The following AGO2 variants were observed in gnomAD, a reference collection of about 807,000 sequenced individuals.
The protein encoded by AGO2 is argonaute RISC catalytic component 2, also known as protein argonaute-2.
Under a neutral mutation model 102.3 loss-of-function variants are expected in AGO2, and 5 were observed. The ratio of observed to expected loss-of-function variants is 0.05; its 90% CI spans 0.03 to 0.10. The LOEUF is 0.10. AGO2 is among the 10% of genes least tolerant of loss of function. The probability of loss-of-function intolerance (pLI) is 1.00; values close to 1 mark genes in which losing one functional copy is unlikely to be tolerated. For missense variants in AGO2, 541 were observed against 1,183.7 expected, an observed-to-expected ratio of 0.46 and a Z score of 7.97; for synonymous variants, 449 against 473.1, an observed-to-expected ratio of 0.95 and a Z score of 0.66.
At chr8:140,576,155 A>T (rs2073460160) in intron 2 of AGO2, among the ~76,000 whole-genome samples, 1 of 152,216 alleles carries the variant, frequency 6.6e-6, no homozygotes, top group Admixed American at 6.5e-5. Context: ...TCTACTAAAA[A>T]TACAAAAAAT....
intron 1 of AGO2, among the ~76,000 whole-genome samples, chr8:140,607,511 T>TAC (rs2074019047): frequency 1.1e-4 from 1 of 8,796 alleles, no homozygotes; most frequent in African/African-American, 3.2e-4. Flanking sequence ...TATATATATA[T>TAC]ATATACACAC....
chr8:140,541,424 GGACTCT>G, intron 14 of AGO2, 66 bp from the exon 15 acceptor site: 1 of 1,421,058 alleles, frequency 7.0e-7, no homozygotes, highest in Non-Finnish European at 9.3e-7. Context: ...GCATGTGCCT[GGACTCT>G]CGGGAAGATG....
chr8:140,572,713 A>C, intron 3 of AGO2, 99 bp downstream of exon 3: 1 of 1,485,776 alleles, frequency 6.7e-7, no homozygotes, highest in South Asian at 1.4e-5. Context: ...CCTCAGTGAA[A>C]TAGTTTCGTG....
At chr8:140,582,845 T>G (rs774433836) in intron 2 of AGO2, among the ~76,000 whole-genome samples, 2 of 152,240 alleles carry the variant, frequency 1.3e-5, no homozygotes, top group African/African-American at 2.4e-5. Flanking sequence ...GAAGGTGAGA[T>G]GACAAACTTT....
intron 14 of AGO2, among the ~76,000 whole-genome samples, chr8:140,543,204 C>A (rs2072832852): frequency 6.6e-6 from 1 of 151,478 alleles, no homozygotes; most frequent in Admixed American, 6.6e-5. Flanking sequence ...ACAACAACAA[C>A]AACAAAAAAA....
chr8:140,547,645 C>T lies in AGO2; in HGVS notation c.1589-18G>A, dbSNP rs1198752664. On this transcript the variant is annotated intron_variant, in intron 12 of 18. Coordinates refer to ENST00000220592, the MANE Select transcript of AGO2 (RefSeq NM_012154.5). ...GACCTCGGCTAAGGGACATGAGAGG[C>T]ACACACAGCTCTGCCGGCGCCCCTT... The T allele has an allele frequency of 6.2e-7, 1 of 1,602,460 alleles. No homozygotes were observed.
At chr8:140,593,695 C>T (rs2073779719) in intron 1 of AGO2, among the ~76,000 whole-genome samples, 2 of 152,082 alleles carry the variant, frequency 1.3e-5, no homozygotes, top group Non-Finnish European at 2.9e-5. Flanking sequence ...ATGGCCACCA[C>T]CATTGTGTCA....
chr8:140,619,893 G>A (rs2074195729), intron 1 of AGO2, among the ~76,000 whole-genome samples: 2 of 152,228 alleles, frequency 1.3e-5, no homozygotes, highest in Admixed American at 6.5e-5. Flanking sequence ...ACATGAACGC[G>A]GGGGATAAGC....
chr8:140,545,193 C>A (rs2072877874), intron 13 of AGO2, among the ~76,000 whole-genome samples: 1 of 152,192 alleles, frequency 6.6e-6, no homozygotes, highest in South Asian at 2.1e-4. Context: ...TGCGGCAGAG[C>A]TCCGACTCAG....
intron 1 of AGO2, among the ~76,000 whole-genome samples, chr8:140,588,508 G>A (rs1363122677): frequency 6.7e-6 from 1 of 149,828 alleles, no homozygotes; most frequent in African/African-American, 2.4e-5. Flanking sequence ...ACATGTTACT[G>A]GAAGAATGGC....
intron 15 of AGO2, 142 bp downstream of exon 15, chr8:140,541,022 C>T: frequency 2.0e-6 from 2 of 998,314 alleles, no homozygotes; most frequent in South Asian, 1.7e-5. Flanking sequence ...CCCTGGACCC[C>T]CTTCCATGGT....
chr8:140,587,307 T>C (rs1248507640), intron 1 of AGO2, among the ~76,000 whole-genome samples: 2 of 152,284 alleles, frequency 1.3e-5, no homozygotes, highest in African/African-American at 4.8e-5. Context: ...TGCTTCTAGC[T>C]TTCAATAATG....
rs375683698 is a variant in AGO2 at position 140,539,465 on chromosome 8, G to C, written c.2035-11C>G. The C allele has an allele frequency of 4.4e-6, 7 of 1,606,830 alleles. No individual in the cohort carries two copies. Among genetic ancestry groups the C allele is most frequent in the Non-Finnish European group, 5.1e-6 (6 of 1,176,166 alleles). On this transcript the variant is annotated splice_polypyrimidine_tract_variant and intron_variant, in intron 15 of 18. Coordinates refer to ENST00000220592, the MANE Select transcript of AGO2 (RefSeq NM_012154.5). This position sits in a 1 kb window ranked among gnomAD's most constrained non-coding sequence, Gnocchi z 4.7. Reference sequence around the variant, plus strand: ...CTCGTGGTGGAGAACCTAGGGGTACGGGAGGGAGGAGGTTGTGCTTAAAGA... The same window carrying C: ...CTCGTGGTGGAGAACCTAGGGGTACCGGAGGGAGGAGGTTGTGCTTAAAGA...
intron 2 of AGO2, among the ~76,000 whole-genome samples, chr8:140,581,071 G>A (rs1049448592): frequency 6.6e-6 from 1 of 152,234 alleles, no homozygotes; most frequent in Admixed American, 6.5e-5. Context: ...TGTGGTCGAT[G>A]GCCTAAGGGC....
chr8:140,629,000 A>G (rs1563659910), intron 1 of AGO2, among the ~76,000 whole-genome samples: 1 of 152,182 alleles, frequency 6.6e-6, no homozygotes, highest in Non-Finnish European at 1.5e-5. Flanking sequence ...CTGAGGCACA[A>G]GAATCACTTG....
chr8:140,630,908 G>T (rs1281296469), intron 1 of AGO2, among the ~76,000 whole-genome samples: 4 of 152,130 alleles, frequency 2.6e-5, no homozygotes, highest in Non-Finnish European at 4.4e-5. Flanking sequence ...AAACACCTTC[G>T]CTGGGCATGG....
intron 1 of AGO2, among the ~76,000 whole-genome samples, chr8:140,593,733 TC>T (rs937232192): frequency 1.2e-4 from 18 of 151,864 alleles, no homozygotes; most frequent in Non-Finnish European, 2.4e-4. Flanking sequence ...TTCAGGCAAA[TC>T]AGCTCCTTTA....
At chr8:140,603,532 G>A (rs1197674192) in intron 1 of AGO2, among the ~76,000 whole-genome samples, 5 of 152,138 alleles carry the variant, frequency 3.3e-5, no homozygotes, top group Admixed American at 2.6e-4. Flanking sequence ...ATCACACCCC[G>A]TTTCCTCCAA....
chr8:140,595,837 TTGTATA>T (rs2073825166), intron 1 of AGO2, among the ~76,000 whole-genome samples: 9 of 29,616 alleles, frequency 3.0e-4, no homozygotes, highest in Non-Finnish European at 4.9e-4. Flanking sequence ...TTATATACAA[TTGTATA>T]TATTATATTT....
Sources: gnomAD v4.1 joint callset for allele counts (sites outside exome capture counted in the v4.1 genomes callset) on GRCh38, gnomAD v4.1.1 for gene constraint, Gnocchi (gnomAD v3.1) non-coding constraint, MANE v1.5 for transcripts, NCBI Gene and HGNC (gene_info 2026-07-23, HGNC 2026-07-21) for gene names.